The following YAE1 variants were observed in gnomAD, a reference collection of about 807,000 sequenced individuals.
YAE1 encodes protein YAE1 homolog.
A neutral mutation model predicts 23.0 loss-of-function variants in YAE1; 22 were observed. The ratio of observed to expected loss-of-function variants is 0.96; its 90% confidence interval spans 0.68 to 1.37. The LOEUF (loss-of-function observed/expected upper bound fraction) is 1.37, where lower values mean the gene tolerates loss of function less well. Among genes scored for constraint, YAE1 ranks in the 40% most tolerant of loss-of-function variants. YAE1 has a pLI of 0.00. For missense variants in YAE1, 260 were observed against 262.1 expected (o/e 0.99, Z 0.06); for synonymous variants, 101 against 97.0 (o/e 1.04, Z -0.24).
intron 2 of YAE1, among the ~76,000 whole-genome samples, chr7:39,587,328 A>T (rs898333043): frequency 6.6e-6 from 1 of 151,998 alleles, no homozygotes; most frequent in African/African-American, 2.4e-5. Flanking sequence ...ATGTGCTGGG[A>T]TTACAGGCTG....
In YAE1 at chr7:39,572,626, T is replaced by A. The variant is rs909301812; in HGVS notation, c.601T>A (p.Trp201Arg). ...ACATTCAGAAAACCCAAGCCCCACA[T>A]GGATTTTGGAACAGACAGCCAGTTT... ...HAHSENPSPTWILEQTASLVK... is the reference protein window; with the variant it reads ...HAHSENPSPTRILEQTASLVK... The change falls in exon 3 of 3, where the codon TGG (tryptophan) becomes AGG (arginine). Residue 201 changes from tryptophan to arginine, a missense_variant. By Grantham distance (101) the Trp-to-Arg change is moderately radical (BLOSUM62 -3). Coordinates refer to ENST00000223273, the MANE Select transcript of YAE1 (RefSeq NM_020192.5). 21 of 1,613,936 alleles carry A rather than the reference T, an allele frequency of 1.3e-5. 1 individual carries two copies. Among genetic ancestry groups the A allele is most frequent in the Non-Finnish European group, 8.5e-7 (1 of 1,179,948 alleles).
chr7:39,566,864 A>T, intron 1 of YAE1: 1 of 248,198 alleles, frequency 4.0e-6, no homozygotes, highest in Non-Finnish European at 8.1e-6. Context: ...CATACACTAT[A>T]CTTATTATGG....
At chr7:39,574,543 G>A (rs995963687), downstream of YAE1, among the ~76,000 whole-genome samples, 2 of 151,978 alleles carry the variant, frequency 1.3e-5, no homozygotes, top group Non-Finnish European at 2.9e-5. Flanking sequence ...GACCAGCCTG[G>A]GCAACATGGT....
At chr7:39,607,974 A>G (rs1290486697) in intron 2 of YAE1, among the ~76,000 whole-genome samples, 1 of 152,108 alleles carries the variant, frequency 6.6e-6, no homozygotes, top group African/African-American at 2.4e-5. Context: ...TGGCCGTAAT[A>G]TATTTGTTTT....
At chr7:39,588,821 G>GTTTTTT (rs5883698) in intron 2 of YAE1, among the ~76,000 whole-genome samples, 1 of 149,610 alleles carries the variant, frequency 6.7e-6, no homozygotes. Flanking sequence ...ATAATTTTAG[G>GTTTTTT]TTTTTTTTTT....
chr7:39,591,683 T>C (rs1790902793), intron 2 of YAE1, among the ~76,000 whole-genome samples: 1 of 152,180 alleles, frequency 6.6e-6, no homozygotes, highest in Admixed American at 6.6e-5. Flanking sequence ...TGATACGTTA[T>C]TATCTCCGAC....
intron 2 of YAE1, among the ~76,000 whole-genome samples, chr7:39,602,534 A>C (rs547333000): frequency 1.3e-5 from 2 of 152,336 alleles, no homozygotes; most frequent in African/African-American, 4.8e-5. Flanking sequence ...ACAATTACTC[A>C]TTATATGAGC....
At chr7:39,593,748 C>T (rs565555505) in intron 2 of YAE1, among the ~76,000 whole-genome samples, 6 of 152,312 alleles carry the variant, frequency 3.9e-5, no homozygotes, top group Admixed American at 1.3e-4. Context: ...CATGAGCCAC[C>T]GCATCCAGCC....
At chr7:39,577,824 C>G (rs1304078026), downstream of YAE1, among the ~76,000 whole-genome samples, 1 of 152,226 alleles carries the variant, frequency 6.6e-6, no homozygotes, top group Admixed American at 6.5e-5. Flanking sequence ...CGCCTGCGGC[C>G]CAGTGCAGGA....
intron 2 of YAE1, among the ~76,000 whole-genome samples, chr7:39,593,173 A>ATTTATTTT (rs1790924411): frequency 5.0e-5 from 2 of 40,062 alleles, no homozygotes; most frequent in Non-Finnish European, 9.8e-5. Context: ...CCATTTGGTT[A>ATTTATTTT]TTTCTTTTTT....
intron 2 of YAE1, among the ~76,000 whole-genome samples, chr7:39,580,045 T>TA (rs1207639796): frequency 2.6e-5 from 4 of 151,830 alleles, no homozygotes; most frequent in African/African-American, 4.8e-5. Context: ...ACCCTGTGTC[T>TA]AAAAAAACAA....
At chr7:39,599,728 G>GTATT (rs1053530181) in intron 2 of YAE1, among the ~76,000 whole-genome samples, 6 of 151,188 alleles carry the variant, frequency 4.0e-5, no homozygotes, top group Admixed American at 6.6e-5. Flanking sequence ...TATTTATTTT[G>GTATT]TATTTATTTA....
chr7:39,582,610 A>G (rs926583159), intron 2 of YAE1, among the ~76,000 whole-genome samples: 1 of 152,082 alleles, frequency 6.6e-6, no homozygotes, highest in African/African-American at 2.4e-5. Context: ...GACCCACCCC[A>G]TTTGTCAGCT....
downstream of YAE1, among the ~76,000 whole-genome samples, chr7:39,577,108 C>CTGG (rs998301240): frequency 3.3e-5 from 5 of 152,128 alleles, no homozygotes; most frequent in African/African-American, 1.2e-4. Flanking sequence ...GTTGGCCAGG[C>CTGG]TGGTCTCAAA....
intron 2 of YAE1, among the ~76,000 whole-genome samples, chr7:39,590,004 G>A (rs1230136754): frequency 6.6e-6 from 1 of 152,164 alleles, no homozygotes; most frequent in East Asian, 1.9e-4. Flanking sequence ...AATAAAATAT[G>A]TACGTGTTAT....
chr7:39,581,849 G>T (rs940132905), intron 2 of YAE1, among the ~76,000 whole-genome samples: 10 of 151,782 alleles, frequency 6.6e-5, no homozygotes, highest in Admixed American at 5.9e-4. Context: ...TTCAGCCTGG[G>T]TAACAGAGTG....
exon 3 of YAE1, chr7:39,609,655 C>G (rs1164776969): frequency 6.5e-7 from 1 of 1,535,578 alleles, no homozygotes; most frequent in African/African-American, 1.4e-5. Flanking sequence ...TTGAGAGCCC[C>G]GCTGAGGAGT....
At chr7:39,608,115 A>G (rs903663291) in intron 2 of YAE1, among the ~76,000 whole-genome samples, 7 of 152,262 alleles carry the variant, frequency 4.6e-5, no homozygotes, top group Non-Finnish European at 1.0e-4. Flanking sequence ...AAATTAATTA[A>G]GGAAACTACT....
chr7:39,572,344 C>T lies in YAE1; in HGVS notation c.319C>T (p.Leu107=), dbSNP rs1790582700. ...STLINKINNL[L]DAVGQCEEYV... is the part of the protein sequence containing the mutation. ...TTTGATCAATAAAATAAACAATCTT[C>T]TGGATGCAGTTGGCCAGTGTGAAGA... The change falls in exon 3 of 3, where the codon CTG becomes TTG. Residue 107 remains leucine, a synonymous_variant. Coordinates refer to ENST00000223273, the MANE Select transcript of YAE1 (RefSeq NM_020192.5). The T allele has an allele frequency of 6.2e-7, 1 of 1,614,048 alleles. No homozygotes were observed. The highest frequency in any genetic ancestry group is 8.5e-7 in the Non-Finnish European group (1 of 1,179,966).
Sources: allele counts gnomAD v4.1 joint callset (sites outside exome capture counted in the v4.1 genomes callset), GRCh38; gene constraint gnomAD v4.1.1; transcripts MANE v1.5; gene names NCBI Gene and HGNC (gene_info 2026-07-23, HGNC 2026-07-21).